PRUNE2: variants seen among roughly 807,000 people sequenced by gnomAD.
PRUNE2 encodes the protein prune homolog 2 with BCH domain, also known as protein prune homolog 2.
PRUNE2 carries 164 observed loss-of-function variants against 252.0 expected under a neutral mutation model. The observed-to-expected ratio is 0.65, with a 90% CI of 0.57 to 0.74. The LOEUF is 0.74. Among genes scored for constraint, PRUNE2 ranks in the 30% least tolerant of loss-of-function variants. PRUNE2 has a pLI of 0.00. For missense variants in PRUNE2, 3,495 were observed against 3,711.0 expected (o/e 0.94, Z 1.51); for synonymous variants, 1,292 against 1,350.2 (o/e 0.96, Z 0.94).
intron 1 of PRUNE2, among the ~76,000 whole-genome samples, chr9:76,898,682 AC>A (rs757671010): frequency 3.9e-5 from 6 of 152,226 alleles, no homozygotes; most frequent in African/African-American, 9.6e-5. Context: ...AATTAAAAAA[AC>A]AAAACAAAAA....
Position 76,703,636 on chromosome 9 carries a change from A to G in PRUNE2, c.7977T>C (p.Thr2659=). The change falls in exon 9 of 19, where the codon ACT becomes ACC. Residue 2659 remains threonine, a synonymous_variant. Coordinates refer to ENST00000376718, the MANE Select transcript of PRUNE2 (RefSeq NM_015225.3). ...AGCCGAGTTCAGAGAACGGCTCCAC[A>G]GTCTTGCCAGACCACCCAGGCCCTG... is the stretch of plus-strand genomic sequence containing the variant. ...RDSGPGWSGK[T]VEPFSELGLG... 2.5e-6 allele frequency: 4 copies of G among 1,612,396 alleles called. No homozygotes were observed. Among genetic ancestry groups the G allele is most frequent in the Non-Finnish European group, 3.4e-6 (4 of 1,179,878 alleles).
chr9:76,763,937 A>G (rs1332578422), intron 6 of PRUNE2, among the ~76,000 whole-genome samples: 1 of 152,232 alleles, frequency 6.6e-6, no homozygotes, highest in Non-Finnish European at 1.5e-5. Context: ...TGTTTGAAAG[A>G]TATTAGTAAA....
chr9:76,643,897 T>C (rs1376744428), intron 12 of PRUNE2, among the ~76,000 whole-genome samples: 1 of 152,162 alleles, frequency 6.6e-6, no homozygotes, highest in African/African-American at 2.4e-5. Flanking sequence ...CCTGTCCTCA[T>C]TAAGGAAGAG....
rs540718780 is a variant in PRUNE2, at chr9:76,612,396, C to A, written c.*2174G>T. On this transcript the variant is annotated 3_prime_UTR_variant, in exon 19 of 19. Coordinates refer to ENST00000376718, the MANE Select transcript of PRUNE2 (RefSeq NM_015225.3). Reference sequence around the variant, plus strand: ...ATGCCCTCAGGTTTGCACCACTACACTGAACACTGGATTTTTCATTACTTC... The same window carrying A: ...ATGCCCTCAGGTTTGCACCACTACAATGAACACTGGATTTTTCATTACTTC... The A allele has an allele frequency of 6.6e-6, 1 of 152,302 alleles. No homozygotes were observed. Among genetic ancestry groups the A allele is most frequent in the South Asian group, 2.1e-4 (1 of 4,828 alleles). 9.4% of individuals were successfully genotyped at this position (152,302 alleles called of 1,614,324 possible). A position where few individuals can be genotyped will look rare whatever the true frequency, so the allele number is the denominator to read the frequency against.
intron 1 of PRUNE2, among the ~76,000 whole-genome samples, chr9:76,874,355 T>C (rs1156415789): frequency 1.3e-5 from 2 of 152,182 alleles, no homozygotes; most frequent in African/African-American, 4.8e-5. Flanking sequence ...AAAGTGCACA[T>C]GAAAGCATGT....
At chr9:76,637,642 T>G in intron 13 of PRUNE2, 93 bp from the exon 14 acceptor site, 1 of 1,177,434 alleles carries the variant, frequency 8.5e-7, no homozygotes, top group Non-Finnish European at 1.2e-6. Flanking sequence ...GTATGAAATT[T>G]AAGAATGATT....
chr9:76,900,797 A>G (rs1281952469), intron 1 of PRUNE2, among the ~76,000 whole-genome samples: 1 of 152,132 alleles, frequency 6.6e-6, no homozygotes, highest in Non-Finnish European at 1.5e-5. Flanking sequence ...CTCAGGTAAC[A>G]TTCACGGAGG....
chr9:76,756,290 G>A (rs9314856), intron 6 of PRUNE2, among the ~76,000 whole-genome samples: 20,110 of 152,050 alleles, frequency 0.13, 2,110 homozygotes, highest in East Asian at 0.41. Flanking sequence ...TTACCCTAAC[G>A]TCTCTTCTAA....
At chr9:76,751,456 T>C (rs992148493) in intron 6 of PRUNE2, among the ~76,000 whole-genome samples, 1 of 152,198 alleles carries the variant, frequency 6.6e-6, no homozygotes, top group African/African-American at 2.4e-5. Flanking sequence ...ACAAAAACAC[T>C]TTCCATTTTA....
In PRUNE2 at chr9:76,866,046, T is replaced by C. The variant is rs570986512; in HGVS notation, c.37-11838A>G. ...TCTATTATTCTGAAGATATAGCAGT[T>C]GCAATAATTTCATTTTTAAATATCT... On this transcript the variant is annotated intron_variant, in intron 1 of 18. Coordinates refer to ENST00000376718, the MANE Select transcript of PRUNE2 (RefSeq NM_015225.3). 3.3e-5 allele frequency among the ~76,000 whole-genome samples: 5 copies of C among 152,340 alleles called. No individual in the cohort carries two copies. In the South Asian group the frequency reaches 8.3e-4, roughly 25 times the overall value.
At chr9:76,625,827 T>TC (rs1159616429) in intron 16 of PRUNE2, among the ~76,000 whole-genome samples, 1 of 152,156 alleles carries the variant, frequency 6.6e-6, no homozygotes, top group Admixed American at 6.5e-5. Flanking sequence ...TGCCTTTTTT[T>TC]CCGCTCATTT....
At chr9:76,849,555 A>C (rs971806991) in intron 3 of PRUNE2, among the ~76,000 whole-genome samples, 7 of 152,090 alleles carry the variant, frequency 4.6e-5, no homozygotes, top group Non-Finnish European at 8.8e-5. Context: ...GCCAGGTGTG[A>C]TGGCTCACAC....
intron 9 of PRUNE2, among the ~76,000 whole-genome samples, chr9:76,681,648 G>C (rs1308192858): frequency 6.6e-6 from 1 of 152,128 alleles, no homozygotes; most frequent in Non-Finnish European, 1.5e-5. Context: ...TCCTGGGACA[G>C]CTGATGCTTC....
In PRUNE2 at chr9:76,774,791, A is replaced by T. The variant is rs116577679; in HGVS notation, c.756+48841T>A. 2.2e-3 allele frequency among the ~76,000 whole-genome samples: 329 copies of T among 152,294 alleles called. 3 individuals are homozygous for T. Among genetic ancestry groups the T allele is most frequent in the African/African-American group, 7.7e-3 (322 of 41,552 alleles). On this transcript the variant is annotated intron_variant, in intron 6 of 18. Transcript: ENST00000376718. Reference sequence around the variant, plus strand: ...TTAAACCAGAATAAAATAATGATTTAAAGAAAGTTAAATATGGAGGAAACA... The same window carrying T: ...TTAAACCAGAATAAAATAATGATTTTAAGAAAGTTAAATATGGAGGAAACA...
chr9:76,873,746 T>C (rs541804505), intron 1 of PRUNE2, among the ~76,000 whole-genome samples: 127 of 152,326 alleles, frequency 8.3e-4, no homozygotes, highest in African/African-American at 2.5e-3. Context: ...ATGGACGGGC[T>C]ACCCGATACA....
chr9:76,753,698 A>G (rs1029601286), intron 6 of PRUNE2, among the ~76,000 whole-genome samples: 9 of 152,196 alleles, frequency 5.9e-5, no homozygotes, highest in African/African-American at 2.2e-4. Flanking sequence ...GCAGATCACG[A>G]GGTCAGGAGA....
At chr9:76,881,310 G>A (rs775213890) in intron 1 of PRUNE2, among the ~76,000 whole-genome samples, 5 of 152,044 alleles carry the variant, frequency 3.3e-5, no homozygotes, top group Non-Finnish European at 5.9e-5. Flanking sequence ...AGACCAAAAC[G>A]TTTGAGAAGC....
chr9:76,801,332 C>CT (rs779764954), intron 6 of PRUNE2, among the ~76,000 whole-genome samples: 31 of 152,128 alleles, frequency 2.0e-4, no homozygotes, highest in Non-Finnish European at 4.1e-4. Context: ...ATACCATAGT[C>CT]TATGTTTGGA....
intron 3 of PRUNE2, among the ~76,000 whole-genome samples, chr9:76,846,999 T>G (rs1019464725): frequency 1.7e-4 from 26 of 152,212 alleles, no homozygotes; most frequent in Non-Finnish European, 2.9e-5. Flanking sequence ...TTAGGTGTAT[T>G]ATCATATTTT....
Sources: allele counts gnomAD v4.1 joint callset (sites outside exome capture counted in the v4.1 genomes callset), GRCh38; gene constraint gnomAD v4.1.1; transcripts MANE v1.5; gene names NCBI Gene and HGNC (gene_info 2026-07-23, HGNC 2026-07-21).